The following AOPEP variants were observed in gnomAD, a reference collection of about 807,000 sequenced individuals.
AOPEP encodes aminopeptidase O (putative), also known as aminopeptidase O.
In AOPEP, 77 loss-of-function variants were observed where a neutral mutation model predicts 98.1. The observed-to-expected ratio is 0.78, with a 90% CI of 0.65 to 0.95. The LOEUF is 0.95. Among genes scored for constraint, AOPEP ranks in the 40% least tolerant of loss-of-function variants. AOPEP has a pLI of 0.00. For synonymous variants in AOPEP, 346 were observed against 365.3 expected (o/e 0.95, Z 0.60); for missense variants, 1,024 against 1,024.7 (o/e 1.00, Z 0.01).
chr9:94,857,663 G>C (rs1316748132), intron 5 of AOPEP, among the ~76,000 whole-genome samples: 3 of 152,106 alleles, frequency 2.0e-5, no homozygotes, highest in Admixed American at 2.0e-4. Flanking sequence ...TGAGTTAACG[G>C]TATTTCAAGC....
chr9:95,087,790 G>GA (rs2070804946), downstream of AOPEP, among the ~76,000 whole-genome samples: 1 of 152,198 alleles, frequency 6.6e-6, no homozygotes, highest in Non-Finnish European at 1.5e-5. Context: ...CAGAATGTTT[G>GA]AAAATGCCTG....
chr9:95,029,312 A>G (rs185273269), intron 13 of AOPEP, among the ~76,000 whole-genome samples: 39 of 151,990 alleles, frequency 2.6e-4, no homozygotes, highest in African/African-American at 9.2e-4. Flanking sequence ...AGATGCATAC[A>G]TTAAATCATT....
At chr9:94,864,018 G>A (rs1348192501) in intron 5 of AOPEP, among the ~76,000 whole-genome samples, 1 of 152,182 alleles carries the variant, frequency 6.6e-6, no homozygotes, top group Non-Finnish European at 1.5e-5. Context: ...TGAGGAAGAA[G>A]GGGGAAAATA....
chr9:95,030,279 A>G (rs917771327), intron 13 of AOPEP, among the ~76,000 whole-genome samples: 20 of 152,188 alleles, frequency 1.3e-4, no homozygotes, highest in Non-Finnish European at 1.8e-4. Flanking sequence ...AGCGTGTTAT[A>G]TATTTGTGAC....
the AOPEP span, among the ~76,000 whole-genome samples, chr9:95,116,821 A>T: frequency 6.6e-6 from 1 of 152,244 alleles, no homozygotes; most frequent in Non-Finnish European, 1.5e-5. Context: ...CTGTGGATGA[A>T]GCACCTTACT....
chr9:94,893,671 A>G (rs917368400), intron 5 of AOPEP, among the ~76,000 whole-genome samples: 3 of 152,174 alleles, frequency 2.0e-5, no homozygotes, highest in African/African-American at 7.2e-5. Flanking sequence ...GAATACAGAC[A>G]GCATTCATTC....
chr9:94,781,276 G>T (rs567031535), intron 3 of AOPEP, among the ~76,000 whole-genome samples: 1 of 152,076 alleles, frequency 6.6e-6, no homozygotes, highest in East Asian at 1.9e-4. Flanking sequence ...ACTATTGAGC[G>T]CAGAGACCCA....
chr9:94,846,273 C>T (rs1447487025), intron 5 of AOPEP, among the ~76,000 whole-genome samples: 7 of 152,082 alleles, frequency 4.6e-5, no homozygotes, highest in Non-Finnish European at 4.4e-5. Flanking sequence ...CAGTGGTGTG[C>T]GGACTGAGCT....
At chr9:94,827,765 T>TG (rs1854971729) in intron 5 of AOPEP, among the ~76,000 whole-genome samples, 1 of 152,104 alleles carries the variant, frequency 6.6e-6, no homozygotes, top group Non-Finnish European at 1.5e-5. Flanking sequence ...CTCGTCCCAG[T>TG]GGGATCCCTA....
chr9:95,139,852 A>AT, the AOPEP span, among the ~76,000 whole-genome samples: 10 of 147,058 alleles, frequency 6.8e-5, no homozygotes, highest in East Asian at 1.6e-3. Flanking sequence ...ATATATATAT[A>AT]AATATATATA....
chr9:94,781,744 C>T (rs1191095205), intron 3 of AOPEP, among the ~76,000 whole-genome samples: 3 of 150,872 alleles, frequency 2.0e-5, no homozygotes, highest in African/African-American at 4.9e-5. Context: ...GTATTTTTAG[C>T]AGAGACGGGG....
At chr9:94,949,608 C>T (rs2057951710) in intron 7 of AOPEP, among the ~76,000 whole-genome samples, 1 of 152,212 alleles carries the variant, frequency 6.6e-6, no homozygotes, top group African/African-American at 2.4e-5. Flanking sequence ...GCTGTTAAAT[C>T]CATTTTGAAA....
At chr9:94,847,896 T>A (rs2043050864) in intron 5 of AOPEP, among the ~76,000 whole-genome samples, 1 of 152,196 alleles carries the variant, frequency 6.6e-6, no homozygotes. Context: ...TTCTTGAATT[T>A]CTAGTTCTTT....
At chr9:95,110,177 G>C in the AOPEP span, 12 of 894,292 alleles carry the variant, frequency 1.3e-5, no homozygotes, top group Non-Finnish European at 1.6e-5. Flanking sequence ...TCATAAAAAA[G>C]GACCAAGTTA....
intron 5 of AOPEP, among the ~76,000 whole-genome samples, chr9:94,802,874 TG>T (rs1458913689): frequency 2.0e-5 from 3 of 151,664 alleles, no homozygotes; most frequent in Non-Finnish European, 4.4e-5. Flanking sequence ...CCAGGTGGGG[TG>T]GGGAAGGGAG....
chr9:94,917,422 T>TC (rs2052992922), intron 5 of AOPEP, among the ~76,000 whole-genome samples: 1 of 152,190 alleles, frequency 6.6e-6, no homozygotes, highest in Non-Finnish European at 1.5e-5. Flanking sequence ...AGCCTCCCCT[T>TC]CCGCCCTCAT....
intron 13 of AOPEP, among the ~76,000 whole-genome samples, chr9:95,046,743 C>T (rs1407681704): frequency 6.6e-6 from 1 of 152,200 alleles, no homozygotes; most frequent in African/African-American, 2.4e-5. Context: ...TTTATTTCAT[C>T]TGCAGAACAA....
chr9:95,051,706 C>CT (rs35555702), intron 13 of AOPEP, among the ~76,000 whole-genome samples: 4,136 of 142,694 alleles, frequency 0.029, 138 homozygotes, highest in African/African-American at 0.083. Context: ...GTTTATGAAA[C>CT]TTTTTTTTTT....
At position 94,795,506 on chromosome 9, in the gene AOPEP, C is replaced by T. The variant is rs368899658; in HGVS notation, c.1118+2588C>T. Among the ~76,000 whole-genome samples the T allele has an allele frequency of 5.7e-3, 871 of 152,306 alleles. 6 individuals are homozygous for T. The highest frequency in any genetic ancestry group is 0.02 in the African/African-American group (826 of 41,572). On this transcript the variant is annotated intron_variant, in intron 4 of 16. Transcript: ENST00000375315. ...CTTGATGGTGAAGAAGTACTCTTCT[C>T]TTTTTCATCTAAGGCCTCAGCATTG...
Sources: allele counts gnomAD v4.1 joint callset (sites outside exome capture counted in the v4.1 genomes callset), GRCh38; gene constraint gnomAD v4.1.1; transcripts MANE v1.5; gene names NCBI Gene and HGNC (gene_info 2026-07-23, HGNC 2026-07-21).